Variants in UGT1A9 observed in about 807,000 individuals in gnomAD.
UGT1A9 encodes the protein UDP-glucuronosyltransferase 1A9.
Under a neutral mutation model 45.0 loss-of-function variants are expected in UGT1A9, and 35 were observed. The ratio of observed to expected loss-of-function variants is 0.78; its 90% CI spans 0.59 to 1.03. The LOEUF is 1.03. UGT1A9 is among the 50% of genes least tolerant of loss of function. The probability of loss-of-function intolerance (pLI) is 0.00; values close to 1 mark genes in which losing one functional copy is unlikely to be tolerated. For synonymous variants in UGT1A9, 278 were observed against 250.6 expected, an observed-to-expected ratio of 1.11 and a Z score of -1.03; for missense variants, 687 against 666.6, an observed-to-expected ratio of 1.03 and a Z score of -0.34.
intron 1 of UGT1A9, among the ~76,000 whole-genome samples, chr2:233,695,500 T>C (rs1423604345): frequency 2.0e-5 from 3 of 152,070 alleles, no homozygotes; most frequent in African/African-American, 4.8e-5. Context: ...ATCAAAGTTT[T>C]TGGAGTATTA....
chr2:233,724,868 A>G (rs2077326102), intron 1 of UGT1A9, among the ~76,000 whole-genome samples: 1 of 128,220 alleles, frequency 7.8e-6, no homozygotes, highest in African/African-American at 3.4e-5. Flanking sequence ...TGTAGGTTGT[A>G]GTGAGCGGAG....
chr2:233,682,087 C>T (rs1559339300), intron 1 of UGT1A9: 5 of 1,613,998 alleles, frequency 3.1e-6, no homozygotes, highest in Admixed American at 3.3e-5. Flanking sequence ...AACTCATCCT[C>T]AGGGGGCATG....
chr2:233,754,728 C>T (rs964525273), intron 1 of UGT1A9: 1 of 620,812 alleles, frequency 1.6e-6, no homozygotes, highest in African/African-American at 1.9e-5. Context: ...TGTCCCATCA[C>T]TACCGTAGGA....
At chr2:233,712,962 G>A (rs1424836209) in intron 1 of UGT1A9, 3 of 1,612,762 alleles carry the variant, frequency 1.9e-6, no homozygotes, top group African/African-American at 2.7e-5. Flanking sequence ...ACGTGGGGTG[G>A]ACAGTCAGCT....
intron 1 of UGT1A9, among the ~76,000 whole-genome samples, chr2:233,677,241 C>A (rs904889604): frequency 6.6e-6 from 1 of 152,106 alleles, no homozygotes; most frequent in Admixed American, 6.5e-5. Context: ...CTTTCACATC[C>A]TTTGTCAGAT....
chr2:233,752,967 C>G (rs1695099374), intron 1 of UGT1A9, among the ~76,000 whole-genome samples: 2 of 152,152 alleles, frequency 1.3e-5, no homozygotes, highest in African/African-American at 2.4e-5. Context: ...TTTATGTAAC[C>G]AATTGTGTAG....
At chr2:233,754,864 C>T (rs1448859484) in intron 1 of UGT1A9, 1 of 1,352,042 alleles carries the variant, frequency 7.4e-7, no homozygotes, top group South Asian at 1.1e-5. Context: ...GGTGCAGACC[C>T]TCTGCTTCTG....
chr2:233,734,422 T>C (rs1373952853), intron 1 of UGT1A9, among the ~76,000 whole-genome samples: 3 of 152,176 alleles, frequency 2.0e-5, no homozygotes, highest in Non-Finnish European at 4.4e-5. Context: ...TCTTTTCTTC[T>C]TTATTAGTCT....
chr2:233,745,337 C>G lies in UGT1A9; in HGVS notation c.856-21697C>G, dbSNP rs1050113231. Reference sequence around the variant, plus strand: ...TCCACTAGAACTGCTATATCATGACCATGAATTTTGGGGGAATTTTTTTGA... The same window carrying G: ...TCCACTAGAACTGCTATATCATGACGATGAATTTTGGGGGAATTTTTTTGA... On this transcript the variant is annotated intron_variant, in intron 1 of 4. Coordinates refer to ENST00000354728, the MANE Select transcript of UGT1A9 (RefSeq NM_021027.3). 2.3e-4 allele frequency among the ~76,000 whole-genome samples: 35 copies of G among 151,944 alleles called. 1 individual carries two copies. Among genetic ancestry groups the G allele is most frequent in the African/African-American group, 8.2e-4 (34 of 41,228 alleles).
chr2:233,673,807 ACTTAT>A (rs767880622), intron 1 of UGT1A9, among the ~76,000 whole-genome samples: 41 of 152,120 alleles, frequency 2.7e-4, no homozygotes, highest in Non-Finnish European at 4.7e-4. Context: ...CACATTACTA[ACTTAT>A]CTTATTATTT....
intron 1 of UGT1A9, among the ~76,000 whole-genome samples, chr2:233,757,545 T>C (rs9711502): frequency 0.043 from 2,722 of 63,592 alleles, 156 homozygotes; most frequent in African/African-American, 0.1. Flanking sequence ...AATATATATA[T>C]ATATATATAT....
chr2:233,755,460 GC>G, intron 1 of UGT1A9: 1 of 281,180 alleles, frequency 3.6e-6, no homozygotes, highest in South Asian at 3.7e-5. Context: ...GACTGGCCCT[GC>G]TCTCTGTGAG....
chr2:233,731,109 T>C (rs1417583719), intron 1 of UGT1A9, among the ~76,000 whole-genome samples: 2 of 152,194 alleles, frequency 1.3e-5, no homozygotes, highest in African/African-American at 2.4e-5. Flanking sequence ...TTTTTATAAA[T>C]GTAGGTATTA....
intron 1 of UGT1A9, among the ~76,000 whole-genome samples, chr2:233,687,418 T>G (rs1231011370): frequency 6.6e-6 from 1 of 151,932 alleles, no homozygotes; most frequent in Non-Finnish European, 1.5e-5. Flanking sequence ...TATTGGAGGC[T>G]TACCGTGTAC....
intron 1 of UGT1A9, among the ~76,000 whole-genome samples, chr2:233,709,397 A>G (rs2076074225): frequency 6.6e-6 from 1 of 152,196 alleles, no homozygotes; most frequent in Non-Finnish European, 1.5e-5. Context: ...TTAATAATCT[A>G]TGGGTGAACA....
intron 1 of UGT1A9, among the ~76,000 whole-genome samples, chr2:233,697,354 T>C (rs1438878315): frequency 6.6e-6 from 1 of 152,156 alleles, no homozygotes; most frequent in Non-Finnish European, 1.5e-5. Flanking sequence ...GGTTTTCTAA[T>C]TTGTTGGCAT....
At chr2:233,681,849 T>C (rs2074542229) in intron 1 of UGT1A9, 8 of 1,519,206 alleles carry the variant, frequency 5.3e-6, no homozygotes, top group African/African-American at 1.4e-5. Context: ...ACGCCTTCTT[T>C]TGAGGGCAGG....
At chr2:233,757,535 A>AATATATATACATATACATATATACATAT (rs376887521) in intron 1 of UGT1A9, among the ~76,000 whole-genome samples, 1 of 88,312 alleles carries the variant, frequency 1.1e-5, no homozygotes, top group African/African-American at 5.0e-5. Context: ...GCCTGTAAGG[A>AATATATATACATATACATATATACATAT]ATATATATAT....
chr2:233,687,479 A>G (rs528407502), intron 1 of UGT1A9, among the ~76,000 whole-genome samples: 6 of 150,260 alleles, frequency 4.0e-5, no homozygotes, highest in Admixed American at 2.0e-4. Context: ...TGGCAGACCT[A>G]TTTTTCAGAT....
Sources: allele counts gnomAD v4.1 joint callset (sites outside exome capture counted in the v4.1 genomes callset), GRCh38; gene constraint gnomAD v4.1.1; transcripts MANE v1.5; gene names NCBI Gene and HGNC (gene_info 2026-07-23, HGNC 2026-07-21).